The following C10orf90 variants were observed in gnomAD, a reference collection of about 807,000 sequenced individuals.
C10orf90 encodes the protein (E2-independent) E3 ubiquitin-conjugating enzyme FATS.
Under a neutral mutation model 62.5 loss-of-function variants are expected in C10orf90, and 56 were observed. The ratio of observed to expected loss-of-function variants is 0.90; its 90% CI spans 0.72 to 1.12. C10orf90 has a LOEUF of 1.12. C10orf90 is among the 50% of genes most tolerant of loss of function. C10orf90 has a pLI of 0.00. For missense variants in C10orf90, 970 were observed against 880.4 expected (o/e 1.10, Z -1.29); for synonymous variants, 386 against 340.4 (o/e 1.13, Z -1.47).
chr10:126,525,867 G>T (rs1324477888), intron 2 of C10orf90, among the ~76,000 whole-genome samples: 2 of 152,056 alleles, frequency 1.3e-5, no homozygotes, highest in East Asian at 3.9e-4. Context: ...TGTTGTTGTT[G>T]TTTAATGGAG....
chr10:126,524,737 G>C (rs1483947613), intron 2 of C10orf90: 8 of 985,428 alleles, frequency 8.1e-6, no homozygotes, highest in East Asian at 1.1e-4. Context: ...GCACGCACCT[G>C]TATGGCCCCT....
chr10:126,536,139 G>C (rs533895834), intron 2 of C10orf90, among the ~76,000 whole-genome samples: 7 of 152,278 alleles, frequency 4.6e-5, no homozygotes, highest in South Asian at 4.1e-4. Context: ...GGCCTCCTTC[G>C]ACAGGGACAA....
intron 2 of C10orf90, among the ~76,000 whole-genome samples, chr10:126,614,729 G>A (rs565950320): frequency 2.8e-4 from 43 of 152,288 alleles, no homozygotes; most frequent in Middle Eastern, 3.4e-3. Context: ...GGCGTTGCTC[G>A]ATGACTCCAA....
intron 2 of C10orf90, among the ~76,000 whole-genome samples, chr10:126,551,055 C>G (rs1864619224): frequency 2.0e-5 from 3 of 152,170 alleles, no homozygotes; most frequent in African/African-American, 7.2e-5. Flanking sequence ...TGTAAATGTT[C>G]TAAATACACA....
chr10:126,645,460 C>A (rs539308850), intron 2 of C10orf90, among the ~76,000 whole-genome samples: 3 of 151,594 alleles, frequency 2.0e-5, no homozygotes, highest in East Asian at 1.9e-4. Context: ...GATGGTGGTG[C>A]GTGCCTCTAG....
chr10:126,649,347 AT>A (rs1846246230), intron 1 of C10orf90, among the ~76,000 whole-genome samples: 2 of 151,748 alleles, frequency 1.3e-5, no homozygotes, highest in Admixed American at 6.6e-5. Context: ...CACACTTTCC[AT>A]TGCCATTAGG....
chr10:126,540,401 G>A (rs546996402), intron 2 of C10orf90, among the ~76,000 whole-genome samples: 3 of 152,264 alleles, frequency 2.0e-5, no homozygotes, highest in South Asian at 2.1e-4. Flanking sequence ...GCTCATACCT[G>A]TAATCCCAAC....
At chr10:126,588,791 G>A (rs1445066752) in intron 2 of C10orf90, among the ~76,000 whole-genome samples, 2 of 152,206 alleles carry the variant, frequency 1.3e-5, no homozygotes, top group East Asian at 1.9e-4. Context: ...AAGCCAGAGT[G>A]CCTCTTCTCC....
rs570320306 is a variant in C10orf90, at chr10:126,564,027, C to T, written c.314-50088G>A. ...ATCCGTGGCCTCCACCCACTGGATG[C>T]CCGTAGTCCCCATCCCACCCCAGGT... On this transcript the variant is annotated intron_variant, in intron 2 of 9. Coordinates refer to ENST00000488181, the MANE Select transcript of C10orf90 (RefSeq NM_001350921.2). Among the ~76,000 whole-genome samples, 190 of 152,228 alleles carry T rather than the reference C, an allele frequency of 1.2e-3. 1 individual carries two copies. The highest frequency in any genetic ancestry group is 4.4e-3 in the African/African-American group (181 of 41,544).
At chr10:126,507,334 G>A (rs1243484476) in intron 3 of C10orf90, among the ~76,000 whole-genome samples, 9 of 137,644 alleles carry the variant, frequency 6.5e-5, no homozygotes, top group Non-Finnish European at 1.1e-4. Flanking sequence ...TCCAGCCTGG[G>A]TGACAGAGCG....
chr10:126,633,883 A>C (rs1178097447), intron 2 of C10orf90, among the ~76,000 whole-genome samples: 1 of 152,226 alleles, frequency 6.6e-6, no homozygotes, highest in African/African-American at 2.4e-5. Flanking sequence ...TAATGATTAG[A>C]ATTAGTCATT....
intron 2 of C10orf90, among the ~76,000 whole-genome samples, chr10:126,565,066 A>G (rs1329063796): frequency 5.9e-4 from 17 of 28,728 alleles, no homozygotes; most frequent in Non-Finnish European, 9.6e-4. Context: ...TAAAATATAT[A>G]TTATATATAA....
intron 2 of C10orf90, among the ~76,000 whole-genome samples, chr10:126,635,440 A>T (rs1462460220): frequency 6.6e-6 from 1 of 152,198 alleles, no homozygotes; most frequent in South Asian, 2.1e-4. Context: ...GCACCAAGAT[A>T]ATCACATTCG....
At chr10:126,608,594 C>A (rs1409512913) in intron 2 of C10orf90, among the ~76,000 whole-genome samples, 1 of 152,194 alleles carries the variant, frequency 6.6e-6, no homozygotes, top group Admixed American at 6.5e-5. Context: ...CCTTTTCCAG[C>A]TACATACCTG....
At chr10:126,643,507 A>C (rs774632476) in intron 2 of C10orf90, among the ~76,000 whole-genome samples, 1 of 152,154 alleles carries the variant, frequency 6.6e-6, no homozygotes, top group Non-Finnish European at 1.5e-5. Flanking sequence ...CACCCCCAGG[A>C]TTGGGCCTCT....
In C10orf90 at chr10:126,456,167, A is replaced by G. The variant is rs1395788828; in HGVS notation, c.2188+2873T>C. On this transcript the variant is annotated intron_variant, in intron 7 of 9. Coordinates refer to ENST00000488181, the MANE Select transcript of C10orf90 (RefSeq NM_001350921.2). This position sits in a 1 kb window ranked among gnomAD's most constrained non-coding sequence, Gnocchi z 4.9. The stretch of plus-strand genomic sequence containing the variant: ...TGCTTTTATCATCTTGCCAGCAGAC[A>G]GGCTGAAGACAAGATGTGTACTGCA... 6.6e-6 allele frequency among the ~76,000 whole-genome samples: 1 copy of G among 152,262 alleles called. No individual in the cohort carries two copies. The highest frequency in any genetic ancestry group is 1.9e-4 in the East Asian group (1 of 5,202).
intron 1 of C10orf90, among the ~76,000 whole-genome samples, chr10:126,663,280 C>G (rs1034901570): frequency 1.3e-5 from 2 of 152,086 alleles, no homozygotes; most frequent in Non-Finnish European, 2.9e-5. Context: ...AGTTGACTTT[C>G]TCTGTAGTTA....
In C10orf90 at chr10:126,594,495, C is replaced by T. The variant is rs143586509; in HGVS notation, c.313+52070G>A. Among the ~76,000 whole-genome samples the T allele has an allele frequency of 6.4e-3, 982 of 152,288 alleles. 12 individuals carry two copies. The highest frequency in any genetic ancestry group is 0.021 in the African/African-American group (883 of 41,556). ...GTTTCTGAATATTCACCTACACCAA[C>T]CTCTGTTCTAGATGCTACATCCAGG... On this transcript the variant is annotated intron_variant, in intron 2 of 9. Transcript: ENST00000488181.
At chr10:126,536,203 G>A (rs1341624420) in intron 2 of C10orf90, among the ~76,000 whole-genome samples, 1 of 152,124 alleles carries the variant, frequency 6.6e-6, no homozygotes, top group Non-Finnish European at 1.5e-5. Context: ...ACACACACAC[G>A]TGGATATGGG....
Sources: gnomAD v4.1 joint callset for allele counts (sites outside exome capture counted in the v4.1 genomes callset) on GRCh38, gnomAD v4.1.1 for gene constraint, Gnocchi (gnomAD v3.1) non-coding constraint, MANE v1.5 for transcripts, NCBI Gene and HGNC (gene_info 2026-07-23, HGNC 2026-07-21) for gene names.